The following RGL1 variants were observed in gnomAD, a reference collection of about 807,000 sequenced individuals.
The protein encoded by RGL1 is ral guanine nucleotide dissociation stimulator-like 1.
In RGL1, 24 loss-of-function variants were observed where a neutral mutation model predicts 95.2. The ratio of observed to expected loss-of-function variants is 0.25; its 90% CI spans 0.18 to 0.35. The LOEUF is 0.35. Among genes scored for constraint, RGL1 ranks in the 10% least tolerant of loss-of-function variants. RGL1 has a pLI of 1.00. For synonymous variants in RGL1, 329 were observed against 344.9 expected, an observed-to-expected ratio of 0.95 and a Z score of 0.51; for missense variants, 715 against 936.3, an observed-to-expected ratio of 0.76 and a Z score of 3.08.
chr1:183,825,285 T>G (rs1662768556), intron 2 of RGL1, among the ~76,000 whole-genome samples: 1 of 152,096 alleles, frequency 6.6e-6, no homozygotes. Flanking sequence ...TACACATCAG[T>G]GATACTTTAA....
intron 1 of RGL1, among the ~76,000 whole-genome samples, chr1:183,663,309 C>G (rs1182117947): frequency 1.3e-5 from 2 of 151,036 alleles, no homozygotes; most frequent in Non-Finnish European, 3.0e-5. Context: ...TCGCAACCTA[C>G]TCATCTGACA....
chr1:183,766,061 C>A (rs1308790140), intron 2 of RGL1, among the ~76,000 whole-genome samples: 7 of 151,580 alleles, frequency 4.6e-5, no homozygotes, highest in Admixed American at 3.9e-4. Context: ...TGCATATGTA[C>A]CCTAAAACTT....
chr1:183,718,570 T>C (rs182348405), intron 1 of RGL1, among the ~76,000 whole-genome samples: 4 of 152,278 alleles, frequency 2.6e-5, no homozygotes, highest in African/African-American at 9.6e-5. Flanking sequence ...TTAGGCTGCT[T>C]AAGTTGGAAT....
intron 1 of RGL1, among the ~76,000 whole-genome samples, chr1:183,655,450 A>T (rs547664598): frequency 6.6e-6 from 1 of 152,372 alleles, no homozygotes; most frequent in South Asian, 2.1e-4. Flanking sequence ...ACAATGCTCA[A>T]ATTCATGTAG....
At position 183,922,227 on chromosome 1, in the gene RGL1, G is replaced by A. The variant is rs779275339; in HGVS notation, c.2010G>A (p.Thr670=). The A allele has an allele frequency of 5.0e-6, 8 of 1,613,800 alleles. No individual in the cohort carries two copies. Among genetic ancestry groups the A allele is most frequent in the East Asian group, 4.5e-5 (2 of 44,884 alleles). ...CCTGTTCATTGTCTTTGCAGTTGAC[G>A]AGCCAGGATAAAACCCCCGCTGTGA... ...NGNMYKSIML[T]SQDKTPAVIQ... Residue 670 remains threonine, a synonymous_variant, in exon 17 of 18, where the codon ACG becomes ACA. Coordinates refer to ENST00000360851, the MANE Select transcript of RGL1 (RefSeq NM_001297671.3).
At chr1:183,656,449 A>G (rs959794195) in intron 1 of RGL1, among the ~76,000 whole-genome samples, 1 of 152,248 alleles carries the variant, frequency 6.6e-6, no homozygotes, top group African/African-American at 2.4e-5. Context: ...TGGAATGTAA[A>G]TAGACTGTAA....
At chr1:183,785,048 T>G (rs1660087688) in intron 2 of RGL1, among the ~76,000 whole-genome samples, 1 of 152,226 alleles carries the variant, frequency 6.6e-6, no homozygotes, top group Non-Finnish European at 1.5e-5. Flanking sequence ...CGGCTCACAT[T>G]ATTTTTCAGT....
intron 1 of RGL1, among the ~76,000 whole-genome samples, chr1:183,713,379 C>A (rs1655414480): frequency 1.6e-5 from 2 of 126,780 alleles, no homozygotes; most frequent in African/African-American, 3.1e-5. Flanking sequence ...TAGAGGCACC[C>A]CCCCCCCCCG....
At chr1:183,796,203 C>T (rs2491445) in intron 2 of RGL1, among the ~76,000 whole-genome samples, 117,200 of 146,706 alleles carry the variant, frequency 0.8, 47,049 homozygotes, top group East Asian at 0.99. Flanking sequence ...TCTCGCTCTG[C>T]CACCAGGCTG....
intron 2 of RGL1, among the ~76,000 whole-genome samples, chr1:183,825,266 G>A (rs1662767665): frequency 1.3e-5 from 2 of 152,022 alleles, no homozygotes; most frequent in African/African-American, 2.4e-5. Context: ...AGTACATTTG[G>A]GTATCATTTA....
At chr1:183,779,599 T>C (rs546079674) in intron 2 of RGL1, among the ~76,000 whole-genome samples, 1 of 152,250 alleles carries the variant, frequency 6.6e-6, no homozygotes, top group Non-Finnish European at 1.5e-5. Context: ...GGTTTCACGA[T>C]GAGTGTGTAA....
At chr1:183,746,869 T>C (rs566065141) in intron 2 of RGL1, among the ~76,000 whole-genome samples, 1 of 152,250 alleles carries the variant, frequency 6.6e-6, no homozygotes, top group South Asian at 2.1e-4. Flanking sequence ...AAGTTCTCAT[T>C]GTTCAACTCC....
At chr1:183,907,550 C>G (rs1458279679) in intron 14 of RGL1, among the ~76,000 whole-genome samples, 1 of 152,200 alleles carries the variant, frequency 6.6e-6, no homozygotes, top group African/African-American at 2.4e-5. Context: ...GCCCTCTGTT[C>G]ACCAGTGTTG....
chr1:183,857,939 A>G (rs894867473), intron 3 of RGL1, among the ~76,000 whole-genome samples: 14 of 152,200 alleles, frequency 9.2e-5, no homozygotes, highest in Non-Finnish European at 1.5e-4. Flanking sequence ...TTTGCCTCAG[A>G]TCATAGCCAG....
At chr1:183,689,676 T>A (rs76065825) in intron 1 of RGL1, among the ~76,000 whole-genome samples, 1 of 152,078 alleles carries the variant, frequency 6.6e-6, no homozygotes, top group African/African-American at 2.4e-5. Context: ...AGTGAATAAA[T>A]AAAAAAGTGA....
chr1:183,657,965 T>G (rs1651306905), intron 1 of RGL1, among the ~76,000 whole-genome samples: 1 of 152,382 alleles, frequency 6.6e-6, no homozygotes, highest in South Asian at 2.1e-4. Flanking sequence ...GTTTCCTGAC[T>G]TTTTAATGAT....
chr1:183,875,903 T>C (rs991412872), intron 4 of RGL1, among the ~76,000 whole-genome samples: 1 of 150,342 alleles, frequency 6.7e-6, no homozygotes, highest in Non-Finnish European at 1.5e-5. Flanking sequence ...TCAATGAGTA[T>C]AGCAGATTTC....
intron 3 of RGL1, among the ~76,000 whole-genome samples, chr1:183,856,257 C>CA (rs1430211698): frequency 1.3e-5 from 2 of 151,154 alleles, no homozygotes; most frequent in Admixed American, 6.6e-5. Flanking sequence ...CAAAAAAACC[C>CA]AAAAAAACTT....
At chr1:183,665,994 CTTCT>C (rs988509541) in intron 1 of RGL1, among the ~76,000 whole-genome samples, 1 of 145,730 alleles carries the variant, frequency 6.9e-6, no homozygotes, top group Non-Finnish European at 1.5e-5. Context: ...GACTGAAGGT[CTTCT>C]TTTTTTCTTT....
Sources: gnomAD v4.1 joint callset for allele counts (sites outside exome capture counted in the v4.1 genomes callset) on GRCh38, gnomAD v4.1.1 for gene constraint, MANE v1.5 for transcripts, NCBI Gene and HGNC (gene_info 2026-07-23, HGNC 2026-07-21) for gene names.